The following BCL2 variants were observed in gnomAD, a reference collection of about 807,000 sequenced individuals.
The protein encoded by BCL2 is apoptosis regulator Bcl-2.
A neutral mutation model predicts 14.2 loss-of-function variants in BCL2; 1 was observed. That is an observed-to-expected ratio of 0.07 (90% CI 0.02 to 0.33). BCL2 has a LOEUF of 0.33. BCL2 is among the 10% of genes least tolerant of loss of function. The pLI, the probability that BCL2 is intolerant of heterozygous loss-of-function variation, is 0.99. For synonymous variants in BCL2, 151 were observed against 137.2 expected (o/e 1.10, Z -0.70); for missense variants, 247 against 305.9 (o/e 0.81, Z 1.44).
rs1461924578 is a variant in BCL2, at chr18:63,220,855, G to A, written c.586-92096C>T. On this transcript the variant is annotated intron_variant, in intron 2 of 2. Coordinates refer to ENST00000333681, the MANE Select transcript of BCL2 (RefSeq NM_000633.3). ...AGGCGTTTTTCTTTGAAAAAATAAA[G>A]GTAGAAAAACAAACAAACTGGCACA... Among the ~76,000 whole-genome samples, 6 of 149,230 alleles carry A rather than the reference G, an allele frequency of 4.0e-5. No individual in the cohort carries two copies. In the East Asian group the frequency reaches 1.2e-3, roughly 29 times the overall value.
At chr18:63,237,652 TC>T (rs1286379686) in intron 2 of BCL2, among the ~76,000 whole-genome samples, 1 of 152,104 alleles carries the variant, frequency 6.6e-6, no homozygotes, top group Non-Finnish European at 1.5e-5. Flanking sequence ...CTCACACCTT[TC>T]CTTGTTATTT....
intron 2 of BCL2, among the ~76,000 whole-genome samples, chr18:63,299,765 CT>C (rs1912905257): frequency 6.6e-6 from 1 of 151,816 alleles, no homozygotes. Context: ...ATATGGTACC[CT>C]TTCACATTCT....
chr18:63,212,414 G>T (rs1009932313), intron 2 of BCL2, among the ~76,000 whole-genome samples: 3 of 151,744 alleles, frequency 2.0e-5, no homozygotes, highest in Non-Finnish European at 4.4e-5. Context: ...CTTTAAAGAA[G>T]GGAGGTAAGG....
intron 2 of BCL2, among the ~76,000 whole-genome samples, chr18:63,300,296 T>G (rs1223793633): frequency 6.6e-6 from 1 of 151,928 alleles, no homozygotes; most frequent in African/African-American, 2.4e-5. Context: ...TGAAAAAGAA[T>G]GAAAGAAGTC....
chr18:63,159,420 A>G (rs763895718), intron 2 of BCL2, among the ~76,000 whole-genome samples: 2 of 152,196 alleles, frequency 1.3e-5, no homozygotes, highest in Non-Finnish European at 2.9e-5. Context: ...GGCAAAAGCA[A>G]TTTTTCCCAA....
At chr18:63,165,670 T>C (rs1275744697) in intron 2 of BCL2, among the ~76,000 whole-genome samples, 1 of 152,112 alleles carries the variant, frequency 6.6e-6, no homozygotes, top group Non-Finnish European at 1.5e-5. Context: ...GCCTAGGTGT[T>C]TTACAGTCAC....
At chr18:63,232,619 A>G (rs1343385639) in intron 2 of BCL2, among the ~76,000 whole-genome samples, 2 of 152,250 alleles carry the variant, frequency 1.3e-5, no homozygotes, top group East Asian at 3.8e-4. Flanking sequence ...CAGATTAGCA[A>G]ATTTTAAAAG....
intron 2 of BCL2, among the ~76,000 whole-genome samples, chr18:63,239,596 CGGGCATGGCAATGCATG>C (rs1474092127): frequency 6.6e-6 from 1 of 152,054 alleles, no homozygotes; most frequent in East Asian, 1.9e-4. Flanking sequence ...AAAAATTAGC[CGGGCATGGCAATGCATG>C]CCTGTAATCC....
In BCL2 at chr18:63,204,737, A is replaced by AT. The variant is rs1909787270; in HGVS notation, c.586-75979dup. Among the ~76,000 whole-genome samples, 5 of 152,212 alleles carry AT rather than the reference A, an allele frequency of 3.3e-5. No individual in the cohort carries two copies. In the South Asian group the frequency reaches 1.0e-3, roughly 32 times the overall value. On this transcript the variant is annotated intron_variant, in intron 2 of 2. Coordinates refer to ENST00000333681, the MANE Select transcript of BCL2 (RefSeq NM_000633.3). ...CCAAAACGATGCAATACTAGGAAGT[A>AT]TTATACTACCTAGGAAGAAAGGAAA... is the stretch of plus-strand genomic sequence containing the variant.
At chr18:63,183,739 G>A (rs1199947553) in intron 2 of BCL2, among the ~76,000 whole-genome samples, 1 of 152,192 alleles carries the variant, frequency 6.6e-6, no homozygotes, top group African/African-American at 2.4e-5. Flanking sequence ...TTAAACAGAT[G>A]TCTGAGAATT....
intron 2 of BCL2, among the ~76,000 whole-genome samples, chr18:63,187,062 CA>C (rs1915608474): frequency 6.6e-6 from 1 of 152,226 alleles, no homozygotes; most frequent in Non-Finnish European, 1.5e-5. Context: ...ATTATATCAA[CA>C]GTCCCTTTTA....
intron 2 of BCL2, among the ~76,000 whole-genome samples, chr18:63,281,604 C>G (rs939349226): frequency 6.6e-6 from 1 of 150,546 alleles, no homozygotes; most frequent in Non-Finnish European, 1.5e-5. Flanking sequence ...AAGGTTAAGG[C>G]TGCAGTGAGC....
intron 2 of BCL2, among the ~76,000 whole-genome samples, chr18:63,277,527 C>G (rs72945051): frequency 2.0e-5 from 3 of 150,358 alleles, no homozygotes; most frequent in Non-Finnish European, 3.0e-5. Flanking sequence ...CCTTGGGAGG[C>G]TGAGGCAGGA....
intron 2 of BCL2, among the ~76,000 whole-genome samples, chr18:63,257,593 A>G (rs1911518228): frequency 6.6e-6 from 1 of 152,232 alleles, no homozygotes; most frequent in Non-Finnish European, 1.5e-5. Flanking sequence ...TCTGAGGACA[A>G]ATGACAGAGG....
chr18:63,206,849 G>A (rs996448264), intron 2 of BCL2, among the ~76,000 whole-genome samples: 1 of 152,124 alleles, frequency 6.6e-6, no homozygotes, highest in African/African-American at 2.4e-5. Context: ...GGGCGGGGAG[G>A]AGGAAAAGAA....
intron 2 of BCL2, among the ~76,000 whole-genome samples, chr18:63,263,707 C>A (rs1338192801): frequency 3.9e-5 from 6 of 152,218 alleles, no homozygotes; most frequent in South Asian, 4.1e-4. Context: ...GGCTGGGAAA[C>A]CAGGTCCCCT....
At chr18:63,155,336 T>C (rs1386783961) in intron 2 of BCL2, among the ~76,000 whole-genome samples, 1 of 152,316 alleles carries the variant, frequency 6.6e-6, no homozygotes, top group South Asian at 2.1e-4. Context: ...CAAATCTCAT[T>C]TGCAAAGGTG....
At chr18:63,187,800 C>T (rs115255096) in intron 2 of BCL2, among the ~76,000 whole-genome samples, 1,540 of 152,264 alleles carry the variant, frequency 0.01, 25 homozygotes, top group African/African-American at 0.035. Flanking sequence ...AGAATTAGTT[C>T]GACTAATACA....
intron 2 of BCL2, among the ~76,000 whole-genome samples, chr18:63,284,540 T>C (rs780766209): frequency 6.6e-6 from 1 of 152,210 alleles, no homozygotes; most frequent in East Asian, 1.9e-4. Context: ...TTGCCTGGCA[T>C]GTATGCGCCA....
Sources: allele counts gnomAD v4.1 joint callset (sites outside exome capture counted in the v4.1 genomes callset), GRCh38; gene constraint gnomAD v4.1.1; transcripts MANE v1.5; gene names NCBI Gene and HGNC (gene_info 2026-07-23, HGNC 2026-07-21).